The following SLC9A3 variants were observed in gnomAD, a reference collection of about 807,000 sequenced individuals.
SLC9A3 encodes the protein sodium/hydrogen exchanger 3.
A neutral mutation model predicts 86.8 loss-of-function variants in SLC9A3; 37 were observed. The observed-to-expected ratio is 0.43, with a 90% CI of 0.33 to 0.56. SLC9A3 has a LOEUF of 0.56. Among genes scored for constraint, SLC9A3 ranks in the 20% least tolerant of loss-of-function variants. The pLI is 0.06. For missense variants in SLC9A3, 1,011 were observed against 1,171.9 expected, an observed-to-expected ratio of 0.86 and a Z score of 2.00; for synonymous variants, 581 against 528.3, an observed-to-expected ratio of 1.10 and a Z score of -1.37.
At chr5:498,311 G>A (rs1296680208) in intron 1 of SLC9A3, among the ~76,000 whole-genome samples, 10 of 152,144 alleles carry the variant, frequency 6.6e-5, no homozygotes, top group Non-Finnish European at 7.3e-5. Context: ...TGTGAGGTAC[G>A]GGCGGGACTC....
In SLC9A3 at chr5:524,184, A is replaced by G; in HGVS notation, c.139T>C (p.Phe47Leu). The G allele has an allele frequency of 6.5e-7, 1 of 1,547,034 alleles. No individual in the cohort carries two copies. The change falls in exon 1 of 17, where the codon TTC becomes CTC. Residue 47 changes from phenylalanine to leucine, a missense_variant. By Grantham distance (22) the Phe-to-Leu change is conservative (BLOSUM62 0). Coordinates refer to ENST00000264938, the MANE Select transcript of SLC9A3 (RefSeq NM_004174.4). Reference protein sequence around the residue: ...GESGGFQVVTFEWAHVQDPYV... With the variant: ...GESGGFQVVTLEWAHVQDPYV... ...GGATCCTGCACGTGGGCCCACTCGA[A>G]GGTGACCACCTGGAAGCCCCCGCTC...
chr5:497,595 G>A lies in SLC9A3; in HGVS notation c.212-5524C>T, dbSNP rs1472927015. Among the ~76,000 whole-genome samples the A allele has an allele frequency of 6.6e-6, 1 of 152,316 alleles. No homozygotes were observed. The highest frequency in any genetic ancestry group is 2.4e-5 in the African/African-American group (1 of 41,576). ...AACAAGGATATCTCTTAACACAATT[G>A]TTCTATTCTTTGGTTATTCCTCCAC... is the stretch of plus-strand genomic sequence containing the variant. On this transcript the variant is annotated intron_variant, in intron 1 of 16. Transcript: ENST00000264938. The surrounding 1 kb of genome is among the most constrained non-coding windows in gnomAD (Gnocchi z 5.4).
intron 1 of SLC9A3, among the ~76,000 whole-genome samples, chr5:509,635 A>G (rs1210603504): frequency 6.6e-6 from 1 of 152,196 alleles, no homozygotes; most frequent in Non-Finnish European, 1.5e-5. Context: ...CACCACAGCC[A>G]TTCCCAAAAC....
rs760117543 is a variant in SLC9A3 at position 491,829 on chromosome 5, C to A, written c.454G>T (p.Val152Leu). ...TILLYAVVGT[V>L]WNAATTGLSL... ...AGCCCGGTGGTGGCCGCGTTCCACA[C>A]GGTACCCACGACGGCGTACAACAGG... The change falls in exon 2 of 17, where the codon GTG becomes TTG. Residue 152 changes from valine to leucine, a missense_variant. By Grantham distance (32) the Val-to-Leu change is conservative (BLOSUM62 1). Transcript: ENST00000264938. This position sits in a 1 kb window ranked among gnomAD's most constrained non-coding sequence, Gnocchi z 9.2. 3.8e-6 allele frequency: 6 copies of A among 1,596,932 alleles called. No homozygotes were observed. The Admixed American group carries it at 5.2e-5, about 14-fold the overall frequency.
At position 477,326 on chromosome 5, in the gene SLC9A3, A is replaced by T; in HGVS notation, c.1760+6T>A. ...CCAGGGAAGCTGCATGACCATGGCC[A>T]CATACAGGAGGTAGGAGACAGAGGC... On this transcript the variant is annotated splice_donor_region_variant and intron_variant, in intron 11 of 16. Transcript: ENST00000264938. The T allele has an allele frequency of 6.3e-7, 1 of 1,582,584 alleles. No homozygotes were observed. The highest frequency in any genetic ancestry group is 1.1e-5 in the South Asian group (1 of 89,848).
intron 3 of SLC9A3, among the ~76,000 whole-genome samples, chr5:487,976 A>G (rs1023490249): frequency 7.9e-5 from 12 of 152,232 alleles, no homozygotes; most frequent in Admixed American, 5.9e-4. Flanking sequence ...CCACTCATGT[A>G]TTTTTTAGGA....
chr5:524,296 G>T lies in SLC9A3; in HGVS notation c.27C>A (p.Pro9=). ...CCAGCGCCAGCAGCAGCCCCCGGTC[G>T]GGGCCCCGGGCCCCGAGTCCCCACA... is the stretch of plus-strand genomic sequence containing the variant. MWGLGARG[P]DRGLLLALAL... The change falls in exon 1 of 17, where the codon CCC becomes CCA. Residue 9 remains proline, a synonymous_variant. Coordinates refer to ENST00000264938, the MANE Select transcript of SLC9A3 (RefSeq NM_004174.4). 1 of 1,293,120 alleles carries T rather than the reference G, an allele frequency of 7.7e-7. No individual in the cohort carries two copies. The highest frequency in any genetic ancestry group is 9.8e-7 in the Non-Finnish European group (1 of 1,018,180). The allele number at this position is 1,293,120 out of a possible 1,614,324, so 80.1% of individuals were successfully genotyped here.
intron 1 of SLC9A3, among the ~76,000 whole-genome samples, chr5:511,286 A>G (rs1740858639): frequency 6.6e-6 from 1 of 152,236 alleles, no homozygotes; most frequent in Non-Finnish European, 1.5e-5. Flanking sequence ...TTGGTGATGA[A>G]TTTTTAGATC....
intron 1 of SLC9A3, among the ~76,000 whole-genome samples, chr5:502,814 G>A (rs1211371014): frequency 2.1e-5 from 3 of 142,324 alleles, no homozygotes; most frequent in East Asian, 2.0e-4. Context: ...CCGCTGTAAC[G>A]ACACAGACGG....
intron 1 of SLC9A3, among the ~76,000 whole-genome samples, chr5:492,941 C>T (rs1283246813): frequency 2.0e-5 from 3 of 152,300 alleles, no homozygotes; most frequent in South Asian, 2.1e-4. Context: ...CACTCCACTC[C>T]GCACGGGTGA....
At chr5:475,431 G>C (rs971112350) in intron 15 of SLC9A3, 130 bp downstream of exon 15, 1 of 649,052 alleles carries the variant, frequency 1.5e-6, no homozygotes. Flanking sequence ...GTGCCAAGCA[G>C]GGCCCTTGAG....
intron 2 of SLC9A3, among the ~76,000 whole-genome samples, chr5:489,080 G>A (rs535263888): frequency 6.6e-6 from 1 of 152,332 alleles, no homozygotes; most frequent in East Asian, 1.9e-4. Flanking sequence ...CTGAAATGCA[G>A]CCTTATCCTT....
chr5:492,052 C>T lies in SLC9A3; in HGVS notation c.231G>A (p.Lys77=), dbSNP rs981143417. 6.2e-6 allele frequency: 9 copies of T among 1,454,420 alleles called. No individual in the cohort carries two copies. The Admixed American group carries it at 8.2e-5, about 13-fold the overall frequency. 90.1% of individuals were successfully genotyped at this position (1,454,420 alleles called of 1,614,324 possible). ...LAKIGFHLSH[K]VTSVVPESAL... ...CGCTCTCGGGAACCACGCTGGTGAC[C>T]TTGTGGGACAGGTGGAACCCTGTGG... The change falls in exon 2 of 17, where the codon AAG becomes AAA. Residue 77 remains lysine (K), a synonymous_variant. Coordinates refer to ENST00000264938, the MANE Select transcript of SLC9A3 (RefSeq NM_004174.4).
rs1213069151 is a variant in SLC9A3, at chr5:476,538, C to T, written c.1890+5G>A. 5 of 1,610,660 alleles carry T rather than the reference C, an allele frequency of 3.1e-6. No individual in the cohort carries two copies. The highest frequency in any genetic ancestry group is 1.3e-5 in the African/African-American group (1 of 75,012). ...GTCCTCCAGCCCCCAGCCCGCAGTGCCCACCTCCTGCCGCGGCTTGTACAG... is the reference window on the plus strand; with the variant it reads ...GTCCTCCAGCCCCCAGCCCGCAGTGTCCACCTCCTGCCGCGGCTTGTACAG... On this transcript the variant is annotated splice_donor_5th_base_variant and intron_variant, in intron 12 of 16. Transcript: ENST00000264938.
At position 472,741 on chromosome 5, in the gene SLC9A3, C is replaced by G. The variant is rs1430668752; in HGVS notation, c.*638G>C. The G allele has an allele frequency of 1.0e-5, 6 of 580,624 alleles. No individual in the cohort carries two copies. Among genetic ancestry groups the G allele is most frequent in the African/African-American group, 1.9e-5 (1 of 53,390 alleles). 36.0% of individuals were successfully genotyped at this position (580,624 alleles called of 1,614,324 possible). On this transcript the variant is annotated 3_prime_UTR_variant, in exon 17 of 17. Coordinates refer to ENST00000264938, the MANE Select transcript of SLC9A3 (RefSeq NM_004174.4). Reference sequence around the variant, plus strand: ...GCTCGGCCCAGGCCGCTTGCGGGCGCTGGGCCTGCAGCCGCTGCAGGTCGG... The same window carrying G: ...GCTCGGCCCAGGCCGCTTGCGGGCGGTGGGCCTGCAGCCGCTGCAGGTCGG...
In SLC9A3 at chr5:496,351, G is replaced by C. The variant is rs188823602; in HGVS notation, c.212-4280C>G. On this transcript the variant is annotated intron_variant, in intron 1 of 16. Transcript: ENST00000264938. This position sits in a 1 kb window ranked among gnomAD's most constrained non-coding sequence, Gnocchi z 4.7. ...GGAGGAGCCGCACCCATCCCCACCG[G>C]CCAGGCAGGCGTGAGCCACATCTCC... Among the ~76,000 whole-genome samples the C allele has an allele frequency of 3.2e-3, 486 of 149,958 alleles. 3 individuals carry two copies. Among genetic ancestry groups the C allele is most frequent in the Non-Finnish European group, 5.5e-3 (372 of 67,152 alleles).
chr5:520,984 G>A (rs1464864806), intron 1 of SLC9A3, among the ~76,000 whole-genome samples: 4 of 152,332 alleles, frequency 2.6e-5, no homozygotes, highest in Middle Eastern at 3.4e-3. Context: ...CCTGGTGCGG[G>A]TGGCTGCAGG....
chr5:478,816 G>C (rs1432458079), intron 10 of SLC9A3: 1 of 154,836 alleles, frequency 6.5e-6, no homozygotes, highest in African/African-American at 2.4e-5. Flanking sequence ...CTGTGGTTTG[G>C]GGGTTTGTGT....
chr5:472,820 C>CGGGCGCG lies in SLC9A3; in HGVS notation c.*552_*558dup, dbSNP rs1302174350. 2.0e-5 allele frequency: 11 copies of CGGGCGCG among 557,150 alleles called. No homozygotes were observed. Among genetic ancestry groups the CGGGCGCG allele is most frequent in the African/African-American group, 7.9e-5 (4 of 50,590 alleles). 34.5% of individuals were successfully genotyped at this position (557,150 alleles called of 1,614,324 possible). On this transcript the variant is annotated 3_prime_UTR_variant, in exon 17 of 17. Coordinates refer to ENST00000264938, the MANE Select transcript of SLC9A3 (RefSeq NM_004174.4). ...CTGAGTCGGTCCCCGAGTCAGTCCC[C>CGGGCGCG]GGGCGCGGGGCTCGGTTGGGGGGGC...
Sources: gnomAD v4.1 joint callset for allele counts (sites outside exome capture counted in the v4.1 genomes callset) on GRCh38, gnomAD v4.1.1 for gene constraint, Gnocchi (gnomAD v3.1) non-coding constraint, MANE v1.5 for transcripts, NCBI Gene and HGNC (gene_info 2026-07-23, HGNC 2026-07-21) for gene names.